The following ZNF521 variants were observed in gnomAD, a reference collection of about 807,000 sequenced individuals.
ZNF521 encodes the protein LYST-interacting protein 3.
In ZNF521, 14 loss-of-function variants were observed where a neutral mutation model predicts 105.5. That is an observed-to-expected ratio of 0.13 (90% CI 0.09 to 0.21). The LOEUF is 0.21. ZNF521 is among the 10% of genes least tolerant of loss of function. The pLI, the probability that ZNF521 is intolerant of heterozygous loss-of-function variation, is 1.00. For synonymous variants in ZNF521, 635 were observed against 606.0 expected (o/e 1.05, Z -0.70); for missense variants, 1,233 against 1,629.7 (o/e 0.76, Z 4.19).
At chr18:25,097,308 A>G (rs372570674) in intron 5 of ZNF521, among the ~76,000 whole-genome samples, 3 of 152,154 alleles carry the variant, frequency 2.0e-5, no homozygotes, top group African/African-American at 7.2e-5. Flanking sequence ...ACATAAACAC[A>G]CTGTGGTGCT....
At chr18:25,079,139 G>A (rs1036678259) in intron 7 of ZNF521, among the ~76,000 whole-genome samples, 2 of 152,234 alleles carry the variant, frequency 1.3e-5, no homozygotes, top group Non-Finnish European at 2.9e-5. Flanking sequence ...GGGTGGCATC[G>A]CATGGCAGAT....
At chr18:25,344,366 CTTTAATG>C (rs1440653784) in intron 2 of ZNF521, among the ~76,000 whole-genome samples, 6 of 152,144 alleles carry the variant, frequency 3.9e-5, no homozygotes, top group Admixed American at 1.3e-4. Flanking sequence ...CTAATGTTAA[CTTTAATG>C]TTTAAGTTTT....
intron 4 of ZNF521, among the ~76,000 whole-genome samples, chr18:25,198,571 T>G (rs1258620076): frequency 6.6e-6 from 1 of 151,442 alleles, no homozygotes; most frequent in Non-Finnish European, 1.5e-5. Flanking sequence ...AAATACTGAA[T>G]AGATTAAAAA....
chr18:25,137,565 G>A (rs1006861532), intron 5 of ZNF521, among the ~76,000 whole-genome samples: 2 of 151,962 alleles, frequency 1.3e-5, no homozygotes, highest in Non-Finnish European at 2.9e-5. Flanking sequence ...GTCCAGTGCA[G>A]CTGACTGATC....
At chr18:25,273,932 G>T (rs1207698874) in intron 3 of ZNF521, among the ~76,000 whole-genome samples, 1 of 152,136 alleles carries the variant, frequency 6.6e-6, no homozygotes, top group Non-Finnish European at 1.5e-5. Flanking sequence ...GAACTTCAGG[G>T]TAGAAAGGGT....
chr18:25,087,944 G>T (rs1006990801), intron 7 of ZNF521, among the ~76,000 whole-genome samples: 2 of 152,138 alleles, frequency 1.3e-5, no homozygotes, highest in Non-Finnish European at 2.9e-5. Context: ...AAGATAAACT[G>T]CAAATTCCTT....
Position 25,334,134 on chromosome 18 carries a change from TA to T in ZNF521, c.41-11948del, listed in dbSNP as rs768479621. ...GCTTCCAGAGGCATTCAATTTTTTT[TA>T]ATCAGAAGACAAAGCCTTTAATTAT... On this transcript the variant is annotated intron_variant, in intron 2 of 7. Coordinates refer to ENST00000361524, the MANE Select transcript of ZNF521 (RefSeq NM_015461.3). Among the ~76,000 whole-genome samples, 21 of 152,342 alleles carry T rather than the reference TA, an allele frequency of 1.4e-4. No homozygotes were observed. In the East Asian group the frequency reaches 4.0e-3, roughly 29 times the overall value.
chr18:25,277,168 G>C (rs1324574378), intron 3 of ZNF521, among the ~76,000 whole-genome samples: 1 of 146,580 alleles, frequency 6.8e-6, no homozygotes, highest in South Asian at 2.1e-4. Context: ...GAGTGACAGA[G>C]CAAGACTCCG....
chr18:25,245,722 C>T (rs757808819), intron 3 of ZNF521, among the ~76,000 whole-genome samples: 2 of 152,058 alleles, frequency 1.3e-5, no homozygotes, highest in Non-Finnish European at 2.9e-5. Context: ...TTTTAAAATG[C>T]TTGTGCTCTG....
intron 5 of ZNF521, among the ~76,000 whole-genome samples, chr18:25,157,918 A>AT (rs1239285765): frequency 6.6e-6 from 1 of 151,760 alleles, no homozygotes; most frequent in African/African-American, 2.4e-5. Context: ...TGCCCAGCTA[A>AT]TTTTTTTGTA....
At chr18:25,280,843 A>T (rs1229444289) in intron 3 of ZNF521, among the ~76,000 whole-genome samples, 4 of 152,200 alleles carry the variant, frequency 2.6e-5, no homozygotes, top group Non-Finnish European at 5.9e-5. Flanking sequence ...CACATCAAAG[A>T]TTGATCAAGG....
intron 4 of ZNF521, among the ~76,000 whole-genome samples, chr18:25,195,670 A>G (rs532388595): frequency 2.6e-5 from 4 of 151,894 alleles, no homozygotes; most frequent in South Asian, 4.1e-4. Context: ...CTAGATATCC[A>G]TAAGTAATAC....
rs143748245 is a variant in ZNF521 at position 25,176,886 on chromosome 18, C to T, written c.3658+18274G>A. ...GTGCACGCACACACTCATAAGCACA[C>T]GCTCCCTGGCTGGCTCCAACATTCG... On this transcript the variant is annotated intron_variant, in intron 5 of 7. Coordinates refer to ENST00000361524, the MANE Select transcript of ZNF521 (RefSeq NM_015461.3). Among the ~76,000 whole-genome samples the T allele has an allele frequency of 4.1e-3, 618 of 152,362 alleles. 2 individuals are homozygous for T. The highest frequency in any genetic ancestry group is 6.4e-3 in the Non-Finnish European group (436 of 68,040).
At chr18:25,137,884 C>A (rs1336608444) in intron 5 of ZNF521, among the ~76,000 whole-genome samples, 2 of 152,206 alleles carry the variant, frequency 1.3e-5, no homozygotes, top group African/African-American at 2.4e-5. Context: ...GGCCACCGTT[C>A]TTTATGCAGC....
chr18:25,213,714 T>A (rs1034694472), intron 4 of ZNF521, among the ~76,000 whole-genome samples: 3 of 152,122 alleles, frequency 2.0e-5, no homozygotes, highest in African/African-American at 7.2e-5. Flanking sequence ...ATTATGTGTA[T>A]GTTTAGGGCG....
intron 3 of ZNF521, among the ~76,000 whole-genome samples, chr18:25,228,973 T>C (rs917837708): frequency 6.6e-6 from 1 of 152,124 alleles, no homozygotes; most frequent in East Asian, 1.9e-4. Flanking sequence ...GTAAAGACCA[T>C]GGAGTGGAGC....
At chr18:25,280,144 C>G (rs557174559) in intron 3 of ZNF521, among the ~76,000 whole-genome samples, 1 of 152,214 alleles carries the variant, frequency 6.6e-6, no homozygotes, top group African/African-American at 2.4e-5. Flanking sequence ...GCTGACTTCC[C>G]CTCATCGCTG....
chr18:25,297,142 CATAT>C (rs1555659980), intron 3 of ZNF521, among the ~76,000 whole-genome samples: 1 of 146,228 alleles, frequency 6.8e-6, no homozygotes, highest in Non-Finnish European at 1.5e-5. Flanking sequence ...CACACACACA[CATAT>C]ATATATATAC....
chr18:25,223,141 C>T (rs1905846202), intron 4 of ZNF521, among the ~76,000 whole-genome samples: 1 of 152,176 alleles, frequency 6.6e-6, no homozygotes, highest in South Asian at 2.1e-4. Flanking sequence ...CAATTTGATC[C>T]AACCCATGAG....
Sources: gnomAD v4.1 joint callset for allele counts (sites outside exome capture counted in the v4.1 genomes callset) on GRCh38, gnomAD v4.1.1 for gene constraint, MANE v1.5 for transcripts, NCBI Gene and HGNC (gene_info 2026-07-23, HGNC 2026-07-21) for gene names.